DOT1L: variants seen among roughly 807,000 people sequenced by gnomAD.
DOT1L encodes the protein histone-lysine N-methyltransferase, H3 lysine-79 specific.
Under a neutral mutation model 153.3 loss-of-function variants are expected in DOT1L, and 33 were observed. The observed-to-expected ratio is 0.22, with a 90% CI of 0.16 to 0.29. The LOEUF (loss-of-function observed/expected upper bound fraction) is 0.29, where lower values mean the gene tolerates loss of function less well. Among genes scored for constraint, DOT1L ranks in the 10% least tolerant of loss-of-function variants. The pLI, the probability that DOT1L is intolerant of heterozygous loss-of-function variation, is 1.00. For missense variants in DOT1L, 1,847 were observed against 2,119.9 expected (o/e 0.87, Z 2.53); for synonymous variants, 1,135 against 965.1 (o/e 1.18, Z -3.26).
Position 2,191,197 on chromosome 19 carries a change from G to A in DOT1L, c.450G>A (p.Glu150=). 6.2e-7 allele frequency: 1 copy of A among 1,613,974 alleles called. No homozygotes were observed. Among genetic ancestry groups the A allele is most frequent in the Middle Eastern group, 1.7e-4 (1 of 6,060 alleles). Residue 150 remains glutamate (E), a synonymous_variant, in exon 5 of 28, where the codon GAG becomes GAA. Coordinates refer to ENST00000398665, the MANE Select transcript of DOT1L (RefSeq NM_032482.3). This position sits in a 1 kb window ranked among gnomAD's most constrained non-coding sequence, Gnocchi z 6.8. ...ACCTGGTGGCCCAGATGATTGATGA[G>A]ATCAAGATGACCGACGACGACCTGT... ...SFDLVAQMID[E]IKMTDDDLFV...
intron 1 of DOT1L, among the ~76,000 whole-genome samples, chr19:2,164,860 G>A (rs544199624): frequency 6.6e-6 from 1 of 152,284 alleles, no homozygotes; most frequent in East Asian, 1.9e-4. Context: ...TGGGAAATTA[G>A]GCATCTTTGA....
At chr19:2,181,438 G>T (rs983698351) in intron 2 of DOT1L, among the ~76,000 whole-genome samples, 3 of 152,194 alleles carry the variant, frequency 2.0e-5, no homozygotes, top group African/African-American at 7.2e-5. Flanking sequence ...CTGCCATAAG[G>T]GCCATGCTGA....
At position 2,220,301 on chromosome 19, in the gene DOT1L, AG is replaced by A. The variant is rs2024067878; in HGVS notation, c.2806+80del. 1 of 1,417,628 alleles carries A rather than the reference AG, an allele frequency of 7.1e-7. No individual in the cohort carries two copies. The highest frequency in any genetic ancestry group is 1.4e-5 in the African/African-American group (1 of 70,516). The allele number at this position is 1,417,628 out of a possible 1,614,324, so 87.8% of individuals were successfully genotyped here. A position where few individuals can be genotyped will look rare whatever the true frequency, so the allele number is the denominator to read the frequency against. On this transcript the variant is annotated intron_variant, in intron 23 of 27. Transcript: ENST00000398665. This position sits in a 1 kb window ranked among gnomAD's most constrained non-coding sequence, Gnocchi z 4.5. Reference sequence around the variant, plus strand: ...CAGGCAGGAGGGCTGGGTTGCTGGGAGTGGAACAGGGCTTCCTGGGGTGATC... The same window carrying A: ...CAGGCAGGAGGGCTGGGTTGCTGGGATGGAACAGGGCTTCCTGGGGTGATC...
intron 1 of DOT1L, among the ~76,000 whole-genome samples, chr19:2,177,358 G>A (rs1004806814): frequency 2.0e-5 from 3 of 151,906 alleles, no homozygotes; most frequent in Non-Finnish European, 2.9e-5. Flanking sequence ...GTGCAATGCC[G>A]CGATCTCGGC....
chr19:2,183,199 C>G (rs190221208), intron 2 of DOT1L, among the ~76,000 whole-genome samples: 1 of 152,338 alleles, frequency 6.6e-6, no homozygotes, highest in Non-Finnish European at 1.5e-5. Context: ...GAGTCAGCGT[C>G]TGGCTCTGCT....
intron 9 of DOT1L, among the ~76,000 whole-genome samples, chr19:2,206,521 C>CAAAA (rs5826758): frequency 6.2e-5 from 5 of 80,696 alleles, no homozygotes; most frequent in Admixed American, 1.3e-4. Context: ...GACTCTGTCT[C>CAAAA]AAAAAAAAAA....
chr19:2,203,429 G>A (rs2023372444), intron 9 of DOT1L, among the ~76,000 whole-genome samples: 1 of 152,296 alleles, frequency 6.6e-6, no homozygotes, highest in African/African-American at 2.4e-5. Context: ...TGAGCCTACA[G>A]CTTGCTTATG....
chr19:2,169,675 A>G (rs1358850332), intron 1 of DOT1L, among the ~76,000 whole-genome samples: 1 of 152,040 alleles, frequency 6.6e-6, no homozygotes, highest in African/African-American at 2.4e-5. Context: ...TTCCTTTAAA[A>G]ATCTGCTTGT....
In DOT1L at chr19:2,226,732, C is replaced by A. The variant is rs375419278; in HGVS notation, c.4211C>A (p.Pro1404Gln). 15 of 1,557,786 alleles carry A rather than the reference C, an allele frequency of 9.6e-6. No individual in the cohort carries two copies. The highest frequency in any genetic ancestry group is 1.7e-4 in the Middle Eastern group (1 of 5,888). ...CTGTGCGGGCCCACGGACAAGACCC[C>A]ACTGCTGAGCGGCAAGGCCGCCAAG... ...LPLCGPTDKT[P>Q]LLSGKAAKAR... is the part of the protein sequence containing the mutation. The change falls in exon 27 of 28, where the codon CCA becomes CAA. Residue 1404 changes from proline (P) to glutamine (Q), a missense_variant. This residue lies in a region of DOT1L where 934 missense variants were observed against 825.3 expected (regional missense o/e 1.13). Transcript: ENST00000398665.
chr19:2,227,106 G>T lies in DOT1L; in HGVS notation c.4585G>T (p.Val1529Leu), dbSNP rs762134372. The change falls in exon 27 of 28, where the codon GTG (valine) becomes TTG (leucine). Residue 1529 changes from valine (V) to leucine (L), a missense_variant. Physicochemically the swap from Val to Leu is conservative, Grantham distance 32. Around this residue, in one of 8 missense-constraint regions of DOT1L, gnomAD observed 934 missense variants for 825.3 expected, o/e 1.13. Transcript: ENST00000398665. ...GCACGCCATGGGCAGCTTTTCCGGG[G>T]TGGCAGGCGGCACAGTTGGAGGTAG... ...NSHAMGSFSGVAGGTVGGN is the reference protein window; with the variant it reads ...NSHAMGSFSGLAGGTVGGN 6 of 1,554,154 alleles carry T rather than the reference G, an allele frequency of 3.9e-6. No individual in the cohort carries two copies. The highest frequency in any genetic ancestry group is 5.2e-6 in the Non-Finnish European group (6 of 1,156,688).
chr19:2,176,245 A>G (rs1297147387), intron 1 of DOT1L, among the ~76,000 whole-genome samples: 1 of 151,986 alleles, frequency 6.6e-6, no homozygotes, highest in Non-Finnish European at 1.5e-5. Flanking sequence ...AGCATCCCAC[A>G]CCACAAGGCA....
rs756193932 is a variant in DOT1L, at chr19:2,216,762, C to T, written c.2405C>T (p.Ser802Leu). The T allele has an allele frequency of 4.4e-6, 7 of 1,588,618 alleles. No individual in the cohort carries two copies. Among genetic ancestry groups the T allele is most frequent in the Non-Finnish European group, 3.4e-6 (4 of 1,171,688 alleles). The change falls in exon 20 of 28, where the codon TCG becomes TTG. Residue 802 changes from serine (S) to leucine (L), a missense_variant. By Grantham distance (145) the Ser-to-Leu change is moderately radical (BLOSUM62 -2). Around this residue, in one of 8 missense-constraint regions of DOT1L, gnomAD observed 281 missense variants for 263.6 expected, o/e 1.07. Transcript: ENST00000398665. ...PGRPAASELH[S>L]RAEHTKENGL... is the part of the protein sequence containing the mutation. ...AGGCCGGCTGCCAGTGAGCTGCATTCGAGGTGAGTGCCCTGGTGGGGCTGG... is the reference window on the plus strand; with the variant it reads ...AGGCCGGCTGCCAGTGAGCTGCATTTGAGGTGAGTGCCCTGGTGGGGCTGG...
At chr19:2,227,212 T>C (rs957302389) in intron 27 of DOT1L, 85 bp downstream of exon 27, 2 of 1,527,758 alleles carry the variant, frequency 1.3e-6, no homozygotes, top group African/African-American at 1.4e-5. Context: ...CGCACTCTCT[T>C]GCAGCAGGAG....
rs1184977702 is a variant in DOT1L, at chr19:2,204,757, C to T, written c.788-1972C>T. The stretch of plus-strand genomic sequence containing the variant: ...CCCATGAGCATTTGTTAGCCTGGCT[C>T]TGCAACCATTAGACGTGGCCCTGCT... On this transcript the variant is annotated intron_variant, in intron 9 of 27. Coordinates refer to ENST00000398665, the MANE Select transcript of DOT1L (RefSeq NM_032482.3). The surrounding 1 kb of genome is among the most constrained non-coding windows in gnomAD (Gnocchi z 5.7). 2.0e-5 allele frequency among the ~76,000 whole-genome samples: 3 copies of T among 152,182 alleles called. No homozygotes were observed. The highest frequency in any genetic ancestry group is 2.9e-5 in the Non-Finnish European group (2 of 68,042).
intron 9 of DOT1L, among the ~76,000 whole-genome samples, chr19:2,203,359 C>T (rs764757513): frequency 5.9e-5 from 9 of 152,340 alleles, no homozygotes; most frequent in Non-Finnish European, 1.0e-4. Flanking sequence ...CCTCGGCCCC[C>T]GCAAAGTTTT....
Position 2,229,881 on chromosome 19 carries a change from C to G in DOT1L, c.*89C>G. The G allele has an allele frequency of 6.2e-7, 1 of 1,608,336 alleles. No individual in the cohort carries two copies. The highest frequency in any genetic ancestry group is 1.1e-5 in the South Asian group (1 of 90,950). ...GGTGCCCGCCGGCCTGCCGGGCTCC[C>G]ACCCCTGGACGGCAGAGGCAAGGAC... On this transcript the variant is annotated 3_prime_UTR_variant, in exon 28 of 28. Transcript: ENST00000398665.
intron 1 of DOT1L, among the ~76,000 whole-genome samples, chr19:2,170,623 C>A (rs1490211112): frequency 6.6e-6 from 1 of 152,176 alleles, no homozygotes; most frequent in Non-Finnish European, 1.5e-5. Context: ...CCCCCACTTT[C>A]CATGCCAGTT....
intron 25 of DOT1L, among the ~76,000 whole-genome samples, chr19:2,224,022 G>T (rs1568369522): frequency 6.6e-6 from 1 of 151,946 alleles, no homozygotes; most frequent in African/African-American, 2.4e-5. Flanking sequence ...CCTACTTTCT[G>T]TCTCTGAATC....
Position 2,218,064 on chromosome 19 carries a change from G to A in DOT1L, c.2691+146G>A, listed in dbSNP as rs149735616. ...CAGTCAAGGTGGGCTGTCCAAAGCC[G>A]GGGCGTGTCCGGTGACCTGGGCCGT... On this transcript the variant is annotated intron_variant, in intron 22 of 27. Transcript: ENST00000398665. 6.5e-5 allele frequency: 80 copies of A among 1,225,728 alleles called. 1 individual carries two copies. The East Asian group carries it at 1.1e-3, about 16-fold the overall frequency. 75.9% of individuals were successfully genotyped at this position (1,225,728 alleles called of 1,614,324 possible).
Sources: gnomAD v4.1 joint callset for allele counts (sites outside exome capture counted in the v4.1 genomes callset) on GRCh38, gnomAD v4.1.1 for gene constraint, gnomAD v4.1.1 regional missense constraint, Gnocchi (gnomAD v3.1) non-coding constraint, MANE v1.5 for transcripts, NCBI Gene and HGNC (gene_info 2026-07-23, HGNC 2026-07-21) for gene names.